NES: variants seen among roughly 807,000 people sequenced by gnomAD.
The protein encoded by NES is nestin.
Under a neutral mutation model 35.6 loss-of-function variants are expected in NES, and 27 were observed. The ratio of observed to expected loss-of-function variants is 0.76; its 90% CI spans 0.56 to 1.04. NES has a LOEUF of 1.04. Ranked by LOEUF, NES falls within the 50% of genes least tolerant of loss-of-function variation. The pLI is 0.00. For synonymous variants in NES, 822 were observed against 824.2 expected, an observed-to-expected ratio of 1.00 and a Z score of 0.04; for missense variants, 1,867 against 1,983.6, an observed-to-expected ratio of 0.94 and a Z score of 1.12.
chr1:156,669,265 G>T lies in NES; in HGVS notation c.*57C>A. On this transcript the variant is annotated 3_prime_UTR_variant, in exon 4 of 4. Coordinates refer to ENST00000368223, the MANE Select transcript of NES (RefSeq NM_006617.2). ...CTCCTGAGCAGGGAGCGGGCTTGGA[G>T]GCGTCCTTCCCCTCCCCGCACCCCT... is the stretch of plus-strand genomic sequence containing the variant. The T allele has an allele frequency of 7.9e-7, 1 of 1,263,182 alleles. No individual in the cohort carries two copies. The highest frequency in any genetic ancestry group is 1.1e-6 in the Non-Finnish European group (1 of 912,972). 78.2% of individuals were successfully genotyped at this position (1,263,182 alleles called of 1,614,324 possible). A position where few individuals can be genotyped will look rare whatever the true frequency, so the allele number is the denominator to read the frequency against.
Position 156,669,285 on chromosome 1 carries a change from AC to A in NES, c.*36del. 6.9e-7 allele frequency: 1 copy of A among 1,453,640 alleles called. No homozygotes were observed. 90.0% of individuals were successfully genotyped at this position (1,453,640 alleles called of 1,614,324 possible). On this transcript the variant is annotated 3_prime_UTR_variant, in exon 4 of 4. Coordinates refer to ENST00000368223, the MANE Select transcript of NES (RefSeq NM_006617.2). Reference sequence around the variant, plus strand: ...TTGGAGGCGTCCTTCCCCTCCCCGCACCCCTAAGTCCCCAGTGCCGGGCAGA... The same window carrying A: ...TTGGAGGCGTCCTTCCCCTCCCCGCACCCTAAGTCCCCAGTGCCGGGCAGA...
intron 1 of NES, 44 bp from the exon 2 acceptor site, chr1:156,675,384 C>G: frequency 3.2e-6 from 5 of 1,552,574 alleles, no homozygotes; most frequent in Non-Finnish European, 4.4e-6. Flanking sequence ...GCTGGGGTCC[C>G]TTCTGTGAAC....
chr1:156,675,433 C>A (rs1647247638), intron 1 of NES, 93 bp from the exon 2 acceptor site: 13 of 1,404,276 alleles, frequency 9.3e-6, no homozygotes, highest in Non-Finnish European at 1.2e-5. Context: ...CCGGGAAGCA[C>A]CTCCTGCTCC....
At position 156,675,266 on chromosome 1, in the gene NES, C is replaced by T; in HGVS notation, c.858G>A (p.Gln286=). 6.2e-7 allele frequency: 1 copy of T among 1,613,788 alleles called. No individual in the cohort carries two copies. Among genetic ancestry groups the T allele is most frequent in the African/African-American group, 1.3e-5 (1 of 75,044 alleles). The change falls in exon 2 of 4, where the codon CAG becomes CAA. Residue 286 remains glutamine, a synonymous_variant. Coordinates refer to ENST00000368223, the MANE Select transcript of NES (RefSeq NM_006617.2). ...SQIAQVLEGR[Q]QLAHLKMSLS... is the part of the protein sequence containing the mutation. ...GGGACATCTTGAGGTGCGCCAGCTGCTGCCGACCTTCCAGGACCTGAGCGA... is the reference window on the plus strand; with the variant it reads ...GGGACATCTTGAGGTGCGCCAGCTGTTGCCGACCTTCCAGGACCTGAGCGA...
chr1:156,676,760 G>A lies in NES; in HGVS notation c.505C>T (p.Pro169Ser). The change falls in exon 1 of 4, where the codon CCC (proline) becomes TCC (serine). Residue 169 changes from proline (P) to serine (S), a missense_variant. By Grantham distance (74) the Pro-to-Ser change is moderately conservative. Transcript: ENST00000368223. The surrounding 1 kb of genome is among the most constrained non-coding windows in gnomAD (Gnocchi z 5.3). ...TCCTCTACCTCCGGGGCCGGCGCGG[G>A]AGGCCCGCGGGGCGGCGCGGGGCAG... Reference protein sequence around the residue: ...PRCPAPPRGPPAPAPEVEELA... With the variant: ...PRCPAPPRGPSAPAPEVEELA... 1 of 1,357,622 alleles carries A rather than the reference G, an allele frequency of 7.4e-7. No individual in the cohort carries two copies. Among genetic ancestry groups the A allele is most frequent in the Non-Finnish European group, 9.4e-7 (1 of 1,064,266 alleles). 84.1% of individuals were successfully genotyped at this position (1,357,622 alleles called of 1,614,324 possible).
chr1:156,673,686 TCA>T (rs1321036134), intron 2 of NES, among the ~76,000 whole-genome samples, 159 bp from the exon 3 acceptor site: 1 of 152,108 alleles, frequency 6.6e-6, no homozygotes, highest in Non-Finnish European at 1.5e-5. Context: ...CAGGGTGAAA[TCA>T]CACAGTCACA....
At chr1:156,675,394 C>A in intron 1 of NES, 54 bp from the exon 2 acceptor site, 3 of 1,544,574 alleles carry the variant, frequency 1.9e-6, no homozygotes, top group East Asian at 4.6e-5. Context: ...CTTCTGTGAA[C>A]CAACCTGCCT....
chr1:156,671,396 G>A lies in NES; in HGVS notation c.2792C>T (p.Ser931Leu). 4 of 1,614,010 alleles carry A rather than the reference G, an allele frequency of 2.5e-6. No individual in the cohort carries two copies. Among genetic ancestry groups the A allele is most frequent in the Non-Finnish European group, 3.4e-6 (4 of 1,180,028 alleles). Residue 931 changes from serine to leucine, a missense_variant, in exon 4 of 4, where the codon TCA (serine) becomes TTA (leucine). Physicochemically the swap from Ser to Leu is moderately radical, Grantham distance 145. Coordinates refer to ENST00000368223, the MANE Select transcript of NES (RefSeq NM_006617.2). The stretch of plus-strand genomic sequence containing the variant: ...TCCCTCCTCCTCCAGAGACCTCAGT[G>A]ACTCTTGGTACTCTCCCTTTCCCAG... ...ENLGKGEYQE[S>L]LRSLEEEGQE...
intron 1 of NES, 37 bp from the exon 2 acceptor site, chr1:156,675,377 G>T: frequency 6.4e-7 from 1 of 1,569,822 alleles, no homozygotes; most frequent in East Asian, 2.3e-5. Flanking sequence ...TGGAGGGGCT[G>T]GGGTCCCTTC....
In NES at chr1:156,677,215, C is replaced by G. The variant is rs1309553481; in HGVS notation, c.50G>C (p.Arg17Pro). ...EESFQMWELN[R>P]RLEAYLARVK... ...CCGGGCCAGGTAGGCCTCCAGGCGC[C>G]GATTGAGCTCCCACATCTGAAACGA... Residue 17 changes from arginine to proline, a missense_variant, in exon 1 of 4, where the codon CGG becomes CCG. Arg to Pro is a moderately radical substitution (Grantham distance 103). Transcript: ENST00000368223. The surrounding 1 kb of genome is among the most constrained non-coding windows in gnomAD (Gnocchi z 4.5). The G allele has an allele frequency of 2.5e-6, 4 of 1,612,616 alleles. No individual in the cohort carries two copies. The highest frequency in any genetic ancestry group is 2.5e-6 in the Non-Finnish European group (3 of 1,179,876).
rs778028808 is a variant in NES at position 156,670,916 on chromosome 1, C to A, written c.3272G>T (p.Gly1091Val). 4 of 1,528,298 alleles carry A rather than the reference C, an allele frequency of 2.6e-6. No individual in the cohort carries two copies. Among genetic ancestry groups the A allele is most frequent in the South Asian group, 1.1e-5 (1 of 89,786 alleles). The allele number at this position is 1,528,298 out of a possible 1,614,324, so 94.7% of individuals were successfully genotyped here. The change falls in exon 4 of 4, where the codon GGT becomes GTT. Residue 1091 changes from glycine (G) to valine (V), a missense_variant. Gly to Val is a moderately radical substitution (Grantham distance 109). Transcript: ENST00000368223. ...EVMLGSEPAM[G>V]ESAAGAEPGP... ...TGGCTCAGCTCCCGCAGCAGACTCA[C>A]CCATGGCAGGCTCTGACCCCAACAT...
Position 156,671,461 on chromosome 1 carries a change from T to C in NES, c.2727A>G (p.Val909=), listed in dbSNP as rs1223572464. ...NLENLRSPEE[V]DKESQRNLEE... ...CCAGATTCCTTTGACTTTCCTTGTC[T>C]ACCTCCTCTGGAGATCTCAAATTCT... Residue 909 remains valine (V), a synonymous_variant, in exon 4 of 4, where the codon GTA becomes GTG. Transcript: ENST00000368223. The C allele has an allele frequency of 1.2e-6, 2 of 1,614,034 alleles. No individual in the cohort carries two copies. The highest frequency in any genetic ancestry group is 1.7e-6 in the Non-Finnish European group (2 of 1,180,030).
Position 156,676,938 on chromosome 1 carries a change from T to C in NES, c.327A>G (p.Val109=), listed in dbSNP as rs1335601013. The part of the protein sequence containing the change: ...RLARERTTEE[V]ARNRRAVEAE... Reference sequence around the variant, plus strand: ...CCTCGACGGCGCGCCGGTTGCGGGCTACCTCCTCCGTCGTCCGCTCCCGGG... The same window carrying C: ...CCTCGACGGCGCGCCGGTTGCGGGCCACCTCCTCCGTCGTCCGCTCCCGGG... The change falls in exon 1 of 4, where the codon GTA becomes GTG. Residue 109 remains valine (V), a synonymous_variant. Transcript: ENST00000368223. This position sits in a 1 kb window ranked among gnomAD's most constrained non-coding sequence, Gnocchi z 5.3. The C allele has an allele frequency of 2.6e-6, 4 of 1,554,094 alleles. No homozygotes were observed. Among genetic ancestry groups the C allele is most frequent in the Non-Finnish European group, 2.6e-6 (3 of 1,158,400 alleles).
In NES at chr1:156,669,733, C is replaced by T. The variant is rs562420767; in HGVS notation, c.4455G>A (p.Leu1485=). The change falls in exon 4 of 4, where the codon CTG becomes CTA. Residue 1485 remains leucine (L), a synonymous_variant. Coordinates refer to ENST00000368223, the MANE Select transcript of NES (RefSeq NM_006617.2). ...GAVAGAPKTA[L]ETESQDSAEP... The stretch of plus-strand genomic sequence containing the variant: ...CAGCACTGTCCTGGGACTCCGTTTC[C>T]AGGGCAGTCTTGGGGGCACCAGCCA... 39 of 1,614,022 alleles carry T rather than the reference C, an allele frequency of 2.4e-5. No homozygotes were observed. In the East Asian group the frequency reaches 4.0e-4, roughly 17 times the overall value.
rs1258033685 is a variant in NES, at chr1:156,669,510, A to G, written c.4678T>C (p.Ser1560Pro). 2.7e-5 allele frequency: 43 copies of G among 1,612,392 alleles called. No homozygotes were observed. The highest frequency in any genetic ancestry group is 3.6e-5 in the Non-Finnish European group (42 of 1,179,100). The part of the protein sequence containing the change: ...NGGVMNGLEQ[S>P]EEVGQGMPLV... ...GGCATTCCTTGCCCCACTTCCTCAG[A>G]CTGCTCCAGCCCGTTCATCACTCCC... is the stretch of plus-strand genomic sequence containing the variant. Residue 1560 changes from serine to proline, a missense_variant, in exon 4 of 4, where the codon TCT (serine) becomes CCT (proline). Transcript: ENST00000368223.
At chr1:156,675,817 T>G (rs1278173324) in intron 1 of NES, among the ~76,000 whole-genome samples, 4 of 151,810 alleles carry the variant, frequency 2.6e-5, no homozygotes, top group Non-Finnish European at 5.9e-5. Flanking sequence ...CACAGCAGGC[T>G]CTCACCCCCG....
Position 156,671,754 on chromosome 1 carries a change from CTTT to C in NES, c.2431_2433del (p.Lys811del), listed in dbSNP as rs757360550. 7 of 1,613,964 alleles carry C rather than the reference CTTT, an allele frequency of 4.3e-6. No individual in the cohort carries two copies. In the Admixed American group the frequency reaches 5.0e-5, roughly 12 times the overall value. On this transcript the variant is annotated inframe_deletion, in exon 4 of 4. Coordinates refer to ENST00000368223, the MANE Select transcript of NES (RefSeq NM_006617.2). ...GATTTTACTGCCTCTACGCTCTCTT[CTTT>C]GAGTGACTTTAAGAACTCTTGATTC...
chr1:156,670,859 T>TCCCCCCCCCCACCCCCCCCCCCCCCC lies in NES; in HGVS notation c.3328_3329insGGGGGGGGGGGGGGGTGGGGGGGGGG (p.Asp1110GlyfsTer14). The TCCCCCCCCCCACCCCCCCCCCCCCCC allele has an allele frequency of 6.2e-7, 1 of 1,609,340 alleles. No homozygotes were observed. Among genetic ancestry groups the TCCCCCCCCCCACCCCCCCCCCCCCCC allele is most frequent in the Non-Finnish European group, 8.5e-7 (1 of 1,176,940 alleles). ...CTCTTCCCTGGTCAGATGGCCTGGG[T>TCCCCCCCCCCACCCCCCCCCCCCCCC]CCCCCAGCCCTCCCACCCCCTGCCC... On this transcript the variant is annotated frameshift_variant, in exon 4 of 4. Transcript: ENST00000368223. LOFTEE classifies it low-confidence loss of function (END_TRUNC).
In NES at chr1:156,671,852, G is replaced by T. The variant is rs1679740840; in HGVS notation, c.2336C>A (p.Pro779His). 6.2e-7 allele frequency: 1 copy of T among 1,613,478 alleles called. No homozygotes were observed. The highest frequency in any genetic ancestry group is 8.5e-7 in the Non-Finnish European group (1 of 1,179,854). The change falls in exon 4 of 4, where the codon CCC becomes CAC. Residue 779 changes from proline to histidine, a missense_variant. Physicochemically the swap from Pro to His is moderately conservative, Grantham distance 77 (BLOSUM62 -2). Coordinates refer to ENST00000368223, the MANE Select transcript of NES (RefSeq NM_006617.2). ...LGEQDQMTLR[P>H]PEKVDLEPLK... Reference sequence around the variant, plus strand: ...TGGTTCTAGATCCACTTTTTCTGGGGGTCTTAATGTCATCTGATCCTGTTC... The same window carrying T: ...TGGTTCTAGATCCACTTTTTCTGGGTGTCTTAATGTCATCTGATCCTGTTC...
Sources: allele counts gnomAD v4.1 joint callset (sites outside exome capture counted in the v4.1 genomes callset), GRCh38; gene constraint gnomAD v4.1.1; non-coding constraint Gnocchi (gnomAD v3.1); transcripts MANE v1.5; gene names NCBI Gene and HGNC (gene_info 2026-07-23, HGNC 2026-07-21).